Variants in NDUFS4 observed in about 807,000 individuals in gnomAD.
NDUFS4 encodes the protein NADH dehydrogenase [ubiquinone] iron-sulfur protein 4, mitochondrial.
In NDUFS4, 28 loss-of-function variants were observed where a neutral mutation model predicts 24.3. The observed-to-expected ratio is 1.15, with a 90% CI of 0.85 to 1.58. The LOEUF (loss-of-function observed/expected upper bound fraction) is 1.58. Ranked by LOEUF, NDUFS4 falls within the 40% of genes most tolerant of loss-of-function variation. NDUFS4 has a pLI of 0.00. For synonymous variants in NDUFS4, 93 were observed against 69.7 expected (o/e 1.34, Z -1.67); for missense variants, 223 against 207.9 (o/e 1.07, Z -0.45).
At chr5:53,573,535 A>G (rs950349011) in intron 1 of NDUFS4, 6 of 447,418 alleles carry the variant, frequency 1.3e-5, no homozygotes, top group African/African-American at 1.2e-4. Context: ...ATGCCTAACT[A>G]TCTCAATTTG....
intron 3 of NDUFS4, among the ~76,000 whole-genome samples, chr5:53,652,093 A>G (rs372955033): frequency 2.6e-4 from 40 of 152,152 alleles, no homozygotes; most frequent in African/African-American, 8.7e-4. Flanking sequence ...ATTTCTTCTG[A>G]TAGATACTGT....
intron 1 of NDUFS4, among the ~76,000 whole-genome samples, chr5:53,585,843 A>G (rs1352661910): frequency 6.6e-6 from 1 of 151,302 alleles, no homozygotes; most frequent in Non-Finnish European, 1.5e-5. Flanking sequence ...GCTTTTATGC[A>G]TATGTTTTTT....
chr5:53,661,374 A>G (rs1316720777), intron 4 of NDUFS4, among the ~76,000 whole-genome samples: 1 of 152,222 alleles, frequency 6.6e-6, no homozygotes, highest in Non-Finnish European at 1.5e-5. Context: ...CTGTTTTGGT[A>G]CCAGTACCAT....
At chr5:53,639,947 T>C (rs765802562) in intron 2 of NDUFS4, among the ~76,000 whole-genome samples, 9 of 152,184 alleles carry the variant, frequency 5.9e-5, no homozygotes, top group Non-Finnish European at 1.2e-4. Context: ...CATATTTGCC[T>C]ATTATCAAAT....
In NDUFS4 at chr5:53,680,703, G is replaced by T. The variant is rs1011904567; in HGVS notation, c.425-2415G>T. Among the ~76,000 whole-genome samples the T allele has an allele frequency of 1.5e-3, 232 of 152,200 alleles. 1 individual carries two copies. The highest frequency in any genetic ancestry group is 2.4e-3 in the Non-Finnish European group (165 of 68,018). On this transcript the variant is annotated intron_variant, in intron 4 of 4. Coordinates refer to ENST00000296684, the MANE Select transcript of NDUFS4 (RefSeq NM_002495.4). ...CATTCTGGGGACTGTTGTGGGGTGG[G>T]GGGAGCGGGGAGGGATAGCTTTAGG...
At chr5:53,677,131 G>T (rs992366820) in intron 4 of NDUFS4, among the ~76,000 whole-genome samples, 2 of 152,098 alleles carry the variant, frequency 1.3e-5, no homozygotes, top group African/African-American at 2.4e-5. Flanking sequence ...ACAAAAGCTG[G>T]AGTAATGGAT....
chr5:53,595,481 T>C (rs1463543905), intron 1 of NDUFS4, among the ~76,000 whole-genome samples: 1 of 152,216 alleles, frequency 6.6e-6, no homozygotes, highest in Non-Finnish European at 1.5e-5. Flanking sequence ...ATGTGAACAT[T>C]TCATATGTTC....
chr5:53,564,624 C>T (rs1447587604), intron 1 of NDUFS4, among the ~76,000 whole-genome samples: 1 of 152,130 alleles, frequency 6.6e-6, no homozygotes, highest in African/African-American at 2.4e-5. Flanking sequence ...ATGCAACCTC[C>T]ACCCTCTGGG....
chr5:53,619,315 A>G (rs1290290779), intron 2 of NDUFS4, among the ~76,000 whole-genome samples: 1 of 149,762 alleles, frequency 6.7e-6, no homozygotes, highest in East Asian at 2.0e-4. Context: ...TTAAAAAAAA[A>G]AAAAAAAAAT....
At chr5:53,567,497 T>C (rs1364435601) in intron 1 of NDUFS4, among the ~76,000 whole-genome samples, 1 of 152,202 alleles carries the variant, frequency 6.6e-6, no homozygotes, top group Non-Finnish European at 1.5e-5. Context: ...TAAGGGACTT[T>C]TCATAGGTGA....
chr5:53,655,725 A>G lies in NDUFS4; in HGVS notation c.351-2826A>G, dbSNP rs560808982. On this transcript the variant is annotated intron_variant, in intron 3 of 4. Transcript: ENST00000296684. ...TAAGTTTTGTTCCAACAGACAGTTA[A>G]ATTACTGATAGATCCACCTTGAACT... Among the ~76,000 whole-genome samples the G allele has an allele frequency of 4.6e-5, 7 of 152,326 alleles. No homozygotes were observed. The East Asian group carries it at 9.6e-4, about 21-fold the overall frequency.
intron 1 of NDUFS4, among the ~76,000 whole-genome samples, chr5:53,598,114 C>T (rs1292423629): frequency 6.6e-6 from 1 of 152,156 alleles, no homozygotes; most frequent in Non-Finnish European, 1.5e-5. Context: ...CAAATGCTGG[C>T]AAGGATGAAG....
At chr5:53,634,599 C>G (rs1751497468) in intron 2 of NDUFS4, among the ~76,000 whole-genome samples, 1 of 151,726 alleles carries the variant, frequency 6.6e-6, no homozygotes, top group South Asian at 2.1e-4. Context: ...CTTTTCCTTC[C>G]CTTCCCCCTC....
intron 1 of NDUFS4, among the ~76,000 whole-genome samples, chr5:53,584,888 C>T (rs1749695039): frequency 6.6e-6 from 1 of 152,022 alleles, no homozygotes; most frequent in Admixed American, 6.6e-5. Context: ...GTGCCTCAGC[C>T]TCCCAAGTAG....
chr5:53,617,117 T>C (rs1044288639), intron 2 of NDUFS4, among the ~76,000 whole-genome samples: 1 of 152,194 alleles, frequency 6.6e-6, no homozygotes, highest in Non-Finnish European at 1.5e-5. Context: ...TAAGAATAAA[T>C]TGGCTGAGGT....
At chr5:53,584,739 G>T (rs1749686559) in intron 1 of NDUFS4, among the ~76,000 whole-genome samples, 1 of 151,652 alleles carries the variant, frequency 6.6e-6, no homozygotes, top group Non-Finnish European at 1.5e-5. Context: ...TTATTGCCTG[G>T]ATATTTACCA....
chr5:53,645,963 T>TAACAA (rs1411930320), intron 2 of NDUFS4, among the ~76,000 whole-genome samples: 7 of 152,168 alleles, frequency 4.6e-5, no homozygotes, highest in Non-Finnish European at 1.0e-4. Context: ...CTTCAGAAAA[T>TAACAA]ACCAATGCTT....
At chr5:53,658,795 A>AAG (rs1752238513) in intron 4 of NDUFS4, 171 bp downstream of exon 4, 2 of 590,956 alleles carry the variant, frequency 3.4e-6, no homozygotes. Flanking sequence ...AAAAAAAAAA[A>AAG]AAAAAAAAAC....
chr5:53,598,475 G>A (rs113042486), intron 1 of NDUFS4, among the ~76,000 whole-genome samples: 1 of 152,128 alleles, frequency 6.6e-6, no homozygotes, highest in African/African-American at 2.4e-5. Flanking sequence ...ACTATCGTCA[G>A]TTCCACTTAC....
Sources: gnomAD v4.1 joint callset for allele counts (sites outside exome capture counted in the v4.1 genomes callset) on GRCh38, gnomAD v4.1.1 for gene constraint, MANE v1.5 for transcripts, NCBI Gene and HGNC (gene_info 2026-07-23, HGNC 2026-07-21) for gene names.